DEDD2: variants seen among roughly 807,000 people sequenced by gnomAD.
DEDD2 encodes death effector domain containing 2, also known as DNA-binding death effector domain-containing protein 2.
Under a neutral mutation model 28.9 loss-of-function variants are expected in DEDD2, and 18 were observed. That is an observed-to-expected ratio of 0.62 (90% CI 0.43 to 0.92). DEDD2 has a LOEUF of 0.92. Ranked by LOEUF, DEDD2 falls within the 40% of genes least tolerant of loss-of-function variation. DEDD2 has a pLI of 0.00. For missense variants in DEDD2, 411 were observed against 463.3 expected, an observed-to-expected ratio of 0.89 and a Z score of 1.04; for synonymous variants, 211 against 206.1, an observed-to-expected ratio of 1.02 and a Z score of -0.20.
rs764202872 is a variant in DEDD2 at position 42,216,804 on chromosome 19, G to C, written c.204C>G (p.Leu68=). 16 of 1,584,598 alleles carry C rather than the reference G, an allele frequency of 1.0e-5. No homozygotes were observed. Among genetic ancestry groups the C allele is most frequent in the Non-Finnish European group, 1.4e-5 (16 of 1,165,750 alleles). ...GLARARSGLE[L]LLELERRGQC... ...GCCCGCGGCGCTCCAGCTCCAGCAG[G>C]AGCTCTAGGCCGCTGCGGGCCCGGG... is the stretch of plus-strand genomic sequence containing the variant. The change falls in exon 2 of 5, where the codon CTC becomes CTG. Residue 68 remains leucine (L), a synonymous_variant. Coordinates refer to ENST00000596251, the MANE Select transcript of DEDD2 (RefSeq NM_133328.4).
chr19:42,213,983 A>T (rs1198649211), intron 3 of DEDD2, among the ~76,000 whole-genome samples: 6 of 152,188 alleles, frequency 3.9e-5, no homozygotes, highest in Non-Finnish European at 8.8e-5. Flanking sequence ...ACGGATGCCT[A>T]ATTTAGGGGT....
intron 4 of DEDD2, among the ~76,000 whole-genome samples, chr19:42,200,974 CCAA>C (rs1296285521): frequency 1.3e-5 from 2 of 152,188 alleles, no homozygotes; most frequent in African/African-American, 4.8e-5. Flanking sequence ...CTCTACACAC[CCAA>C]CGAGGCTGTC....
At chr19:42,215,380 CA>C (rs1270293218) in intron 2 of DEDD2, 128 bp from the exon 3 acceptor site, 1 of 1,172,642 alleles carries the variant, frequency 8.5e-7, no homozygotes, top group African/African-American at 1.5e-5. Context: ...CACTCATTCT[CA>C]AACACCTCCT....
At chr19:42,210,290 A>G (rs188543042) in intron 3 of DEDD2, among the ~76,000 whole-genome samples, 66 of 152,338 alleles carry the variant, frequency 4.3e-4, no homozygotes, top group Admixed American at 2.6e-3. Flanking sequence ...GGAAATTAAG[A>G]TTATATATAT....
At chr19:42,203,187 T>C (rs912246053) in intron 4 of DEDD2, among the ~76,000 whole-genome samples, 6 of 152,190 alleles carry the variant, frequency 3.9e-5, no homozygotes, top group African/African-American at 1.4e-4. Flanking sequence ...TAACTACCCC[T>C]ATCCTGTTGG....
chr19:42,210,223 G>T (rs2035700225), intron 3 of DEDD2, among the ~76,000 whole-genome samples: 1 of 152,118 alleles, frequency 6.6e-6, no homozygotes, highest in Admixed American at 6.5e-5. Context: ...ACTGTTTAAG[G>T]AAATAAAGCA....
chr19:42,212,980 AAT>A (rs2146897691), intron 3 of DEDD2, among the ~76,000 whole-genome samples: 1 of 152,354 alleles, frequency 6.6e-6, no homozygotes, highest in South Asian at 2.1e-4. Context: ...AACCTAGAAC[AAT>A]ATACACACTC....
chr19:42,200,821 C>A (rs941941315), intron 4 of DEDD2, among the ~76,000 whole-genome samples: 2 of 152,202 alleles, frequency 1.3e-5, no homozygotes, highest in Non-Finnish European at 2.9e-5. Flanking sequence ...CCCACATCTG[C>A]GCAAAAGAGG....
Position 42,199,539 on chromosome 19 carries a change from G to A in DEDD2, c.880C>T (p.Arg294Cys), listed in dbSNP as rs774239274. The A allele has an allele frequency of 3.1e-6, 5 of 1,614,058 alleles. No individual in the cohort carries two copies. The highest frequency in any genetic ancestry group is 4.5e-5 in the East Asian group (2 of 44,878). Residue 294 changes from arginine (R) to cysteine (C), a missense_variant, in exon 5 of 5, where the codon CGC becomes TGC. By Grantham distance (180) the Arg-to-Cys change is radical. This residue lies in a region of DEDD2 where 129 missense variants were observed against 189.9 expected (regional missense o/e 0.68). Transcript: ENST00000596251. The surrounding 1 kb of genome is among the most constrained non-coding windows in gnomAD (Gnocchi z 7.4). ...LREAVGREAV[R>C]LLVSVDEADY... The stretch of plus-strand genomic sequence containing the variant: ...GCCTCATCCACACTGACCAGCAGGC[G>A]AACAGCCTCCCGGCCCACAGCCTCT...
chr19:42,218,047 A>C (rs926067181), upstream of DEDD2, among the ~76,000 whole-genome samples: 1 of 151,832 alleles, frequency 6.6e-6, no homozygotes, highest in African/African-American at 2.4e-5. Context: ...CGCCCACATC[A>C]CCACTGCCCC....
In DEDD2 at chr19:42,212,890, A is replaced by C. The variant is rs147644828; in HGVS notation, c.448+2243T>G. Among the ~76,000 whole-genome samples the C allele has an allele frequency of 2.2e-4, 33 of 152,302 alleles. No individual in the cohort carries two copies. In the East Asian group the frequency reaches 5.8e-3, roughly 27 times the overall value. On this transcript the variant is annotated intron_variant, in intron 3 of 4. Coordinates refer to ENST00000596251, the MANE Select transcript of DEDD2 (RefSeq NM_133328.4). ...CTAAGATTACAGGCATGAGCCACCA[A>C]ACATGGCTATAACATTAATCTTTAA...
upstream of DEDD2, among the ~76,000 whole-genome samples, chr19:42,219,801 G>A (rs1329242064): frequency 6.6e-6 from 1 of 152,216 alleles, no homozygotes; most frequent in Non-Finnish European, 1.5e-5. Context: ...AACTGTGAAG[G>A]ATTCTGTCTT....
At chr19:42,217,120 C>G (rs2036010247) in intron 1 of DEDD2, 75 bp from the exon 2 acceptor site, 5 of 1,188,372 alleles carry the variant, frequency 4.2e-6, no homozygotes, top group Non-Finnish European at 6.0e-6. Context: ...CAGCGCGTCT[C>G]CCCCGCCCAA....
intron 4 of DEDD2, among the ~76,000 whole-genome samples, chr19:42,200,724 G>A (rs2035299084): frequency 6.6e-6 from 1 of 152,234 alleles, no homozygotes; most frequent in East Asian, 1.9e-4. Flanking sequence ...GTCATCACAT[G>A]AGCCCACGAT....
Position 42,209,733 on chromosome 19 carries a change from C to T in DEDD2, c.556G>A (p.Ala186Thr), listed in dbSNP as rs781250383. The change falls in exon 4 of 5, where the codon GCC becomes ACC. Residue 186 changes from alanine (A) to threonine (T), a missense_variant. By Grantham distance (58) the Ala-to-Thr change is moderately conservative. This residue lies in a region of DEDD2 where 282 missense variants were observed against 273.4 expected (regional missense o/e 1.03). Transcript: ENST00000596251. ...PAAPQQQSEP[A>T]RPSSEGKVTC... ...ACTTTGCCTTCAGAGGAAGGTCTGG[C>T]GGGCTCTGACTGCTGCTGGGGTGCG... is the stretch of plus-strand genomic sequence containing the variant. The T allele has an allele frequency of 1.2e-5, 20 of 1,607,268 alleles. No individual in the cohort carries two copies. Among genetic ancestry groups the T allele is most frequent in the East Asian group, 4.6e-5 (2 of 43,904 alleles).
In DEDD2 at chr19:42,199,892, C is replaced by A. The variant is rs1300725582; in HGVS notation, c.590-63G>T. 5 of 1,497,186 alleles carry A rather than the reference C, an allele frequency of 3.3e-6. No homozygotes were observed. The Admixed American group carries it at 6.6e-5, about 20-fold the overall frequency. 92.7% of individuals were successfully genotyped at this position (1,497,186 alleles called of 1,614,324 possible). ...ACACTAGACACACTTATGGGGAACG[C>A]CACCCTTCCTCCCTCCAGCCTTCTC... On this transcript the variant is annotated intron_variant, in intron 4 of 4. Coordinates refer to ENST00000596251, the MANE Select transcript of DEDD2 (RefSeq NM_133328.4). This position sits in a 1 kb window ranked among gnomAD's most constrained non-coding sequence, Gnocchi z 7.4.
At chr19:42,216,612 CA>C in intron 2 of DEDD2, 67 bp downstream of exon 2, 3 of 1,456,724 alleles carry the variant, frequency 2.1e-6, no homozygotes, top group Non-Finnish European at 2.7e-6. Flanking sequence ...ATCAGGGCAC[CA>C]GGGAGGCCCA....
At chr19:42,210,864 T>G (rs182096021) in intron 3 of DEDD2, among the ~76,000 whole-genome samples, 99 of 150,000 alleles carry the variant, frequency 6.6e-4, no homozygotes, top group Non-Finnish European at 2.1e-4. Context: ...AGATCAGGAG[T>G]TCGAGACCAG....
rs1191081808 is a variant in DEDD2 at position 42,199,458 on chromosome 19, G to A, written c.961C>T (p.Arg321Cys). The change falls in exon 5 of 5, where the codon CGC becomes TGC. Residue 321 changes from arginine (R) to cysteine (C), a missense_variant. Arg to Cys is a radical substitution (Grantham distance 180). This residue lies in a region of DEDD2 where 129 missense variants were observed against 189.9 expected (regional missense o/e 0.68). Transcript: ENST00000596251. This position sits in a 1 kb window ranked among gnomAD's most constrained non-coding sequence, Gnocchi z 7.4. ...CTGGATCAGGAGGCCTCTGTCGGGC[G>A]CCGCCCCCCTTCCTCCTCCATCAGC... ...LLLMEEEGGR[R>C]PTEAS 4.7e-5 allele frequency: 76 copies of A among 1,605,956 alleles called. No homozygotes were observed. The Admixed American group carries it at 5.6e-4, about 12-fold the overall frequency.
Sources: gnomAD v4.1 joint callset for allele counts (sites outside exome capture counted in the v4.1 genomes callset) on GRCh38, gnomAD v4.1.1 for gene constraint, gnomAD v4.1.1 regional missense constraint, Gnocchi (gnomAD v3.1) non-coding constraint, MANE v1.5 for transcripts, NCBI Gene and HGNC (gene_info 2026-07-23, HGNC 2026-07-21) for gene names.